FHIP1A: variants seen among roughly 807,000 people sequenced by gnomAD.
The protein encoded by FHIP1A is FHF complex subunit HOOK-interacting protein 1A.
A neutral mutation model predicts 88.6 loss-of-function variants in FHIP1A; 61 were observed. The ratio of observed to expected loss-of-function variants is 0.69; its 90% CI spans 0.56 to 0.85. FHIP1A has a LOEUF of 0.85. FHIP1A is among the 40% of genes least tolerant of loss of function. The pLI is 0.00. For synonymous variants in FHIP1A, 478 were observed against 496.0 expected (o/e 0.96, Z 0.48); for missense variants, 1,154 against 1,273.5 (o/e 0.91, Z 1.43).
intron 2 of FHIP1A, among the ~76,000 whole-genome samples, chr4:151,477,825 C>T (rs1429328312): frequency 6.6e-6 from 1 of 152,064 alleles, no homozygotes; most frequent in Non-Finnish European, 1.5e-5. Context: ...ATTACAAAGT[C>T]TTATAACCTA....
At chr4:151,534,491 G>A (rs1731994405) in intron 3 of FHIP1A, among the ~76,000 whole-genome samples, 1 of 152,164 alleles carries the variant, frequency 6.6e-6, no homozygotes, top group African/African-American at 2.4e-5. Flanking sequence ...AGAGATGTCA[G>A]ATATGAATCC....
Position 151,568,285 on chromosome 4 carries a change from CTT to C in FHIP1A, c.105+1923_105+1924del, listed in dbSNP as rs147623841. On this transcript the variant is annotated intron_variant, in intron 4 of 13. Coordinates refer to ENST00000435205, the MANE Select transcript of FHIP1A (RefSeq NM_001109977.3). ...AGTCTTGAGTTGAAGGTAAGGATAA[CTT>C]TGTCATAGGGGATACTGTTTAGTTG... is the stretch of plus-strand genomic sequence containing the variant. Among the ~76,000 whole-genome samples, 108 of 152,302 alleles carry C rather than the reference CTT, an allele frequency of 7.1e-4. No individual in the cohort carries two copies. The East Asian group carries it at 0.02, about 28-fold the overall frequency.
At chr4:151,459,621 G>A (rs920221815) in intron 2 of FHIP1A, among the ~76,000 whole-genome samples, 8 of 152,286 alleles carry the variant, frequency 5.3e-5, no homozygotes, top group South Asian at 2.1e-4. Flanking sequence ...TTTAGCAAAC[G>A]AGATTATCTT....
At position 151,458,831 on chromosome 4, in the gene FHIP1A, CT is replaced by C. The variant is rs531015761; in HGVS notation, c.-248+4027del. Among the ~76,000 whole-genome samples the C allele has an allele frequency of 2.9e-3, 445 of 152,216 alleles. 1 individual carries two copies. Among genetic ancestry groups the C allele is most frequent in the African/African-American group, 9.2e-3 (384 of 41,532 alleles). On this transcript the variant is annotated intron_variant, in intron 2 of 13. Coordinates refer to ENST00000435205, the MANE Select transcript of FHIP1A (RefSeq NM_001109977.3). Reference sequence around the variant, plus strand: ...CTCCTACTCACACACCACAGAGTCGCTTTTCTTGGGCATAGTGGATCTCTAT... The same window carrying C: ...CTCCTACTCACACACCACAGAGTCGCTTTCTTGGGCATAGTGGATCTCTAT...
At chr4:151,528,507 GGGACCCCAAAGGT>G (rs1210978137) in intron 3 of FHIP1A, among the ~76,000 whole-genome samples, 1 of 152,218 alleles carries the variant, frequency 6.6e-6, no homozygotes, top group Non-Finnish European at 1.5e-5. Context: ...TACATGGAAA[GGGACCCCAAAGGT>G]GCTCCAGAAA....
At chr4:151,548,503 C>T (rs955740385) in intron 3 of FHIP1A, among the ~76,000 whole-genome samples, 11 of 152,104 alleles carry the variant, frequency 7.2e-5, no homozygotes, top group African/African-American at 2.7e-4. Flanking sequence ...GTGAAAAAGC[C>T]AGCTAAAACC....
At chr4:151,409,742 G>C (rs1487478651) in intron 1 of FHIP1A, among the ~76,000 whole-genome samples, 1 of 152,066 alleles carries the variant, frequency 6.6e-6, no homozygotes, top group African/African-American at 2.4e-5. Context: ...CTGGGAGAGA[G>C]AGAGCCAGCT....
chr4:151,628,354 C>A (rs1736029887), intron 7 of FHIP1A, among the ~76,000 whole-genome samples: 1 of 152,106 alleles, frequency 6.6e-6, no homozygotes, highest in Non-Finnish European at 1.5e-5. Flanking sequence ...AAGCTGAGCA[C>A]CAATAACTTT....
intron 13 of FHIP1A, among the ~76,000 whole-genome samples, chr4:151,660,928 T>C (rs1161171967): frequency 6.6e-6 from 1 of 152,152 alleles, no homozygotes; most frequent in African/African-American, 2.4e-5. Context: ...GGTGAGGAAA[T>C]AGAAGTACAG....
chr4:151,619,724 G>A (rs1735665976), intron 7 of FHIP1A, among the ~76,000 whole-genome samples: 1 of 152,194 alleles, frequency 6.6e-6, no homozygotes, highest in Non-Finnish European at 1.5e-5. Context: ...GCCAGGCACT[G>A]TTCTAAGTGT....
chr4:151,565,270 G>A (rs767136118), intron 3 of FHIP1A, among the ~76,000 whole-genome samples: 1 of 152,018 alleles, frequency 6.6e-6, no homozygotes, highest in Non-Finnish European at 1.5e-5. Flanking sequence ...TACTGCTTTC[G>A]TCAGTGCCAC....
intron 3 of FHIP1A, among the ~76,000 whole-genome samples, chr4:151,506,738 G>A (rs1328408660): frequency 1.3e-5 from 2 of 152,072 alleles, no homozygotes; most frequent in South Asian, 2.1e-4. Flanking sequence ...CCACCAGGCC[G>A]CATCTCCAAT....
Position 151,448,963 on chromosome 4 carries a change from G to A in FHIP1A, c.-355-5738G>A, listed in dbSNP as rs2709843. Reference sequence around the variant, plus strand: ...TCCAGTTTCTTGGTTTTTTAGTTAGGTCTTTCTGGTTAGTCTGTCTCATGG... The same window carrying A: ...TCCAGTTTCTTGGTTTTTTAGTTAGATCTTTCTGGTTAGTCTGTCTCATGG... On this transcript the variant is annotated intron_variant, in intron 1 of 13. Transcript: ENST00000435205. Among the ~76,000 whole-genome samples the A allele has an allele frequency of 3.3e-5, 5 of 151,950 alleles. No individual in the cohort carries two copies. The South Asian group carries it at 1.0e-3, about 32-fold the overall frequency.
intron 2 of FHIP1A, among the ~76,000 whole-genome samples, chr4:151,479,995 G>A (rs750384167): frequency 1.3e-5 from 2 of 152,062 alleles, no homozygotes; most frequent in Non-Finnish European, 2.9e-5. Context: ...ATTTGCCTGG[G>A]GAGAGATTTG....
At chr4:151,414,475 T>G (rs1732810462) in intron 1 of FHIP1A, among the ~76,000 whole-genome samples, 1 of 152,242 alleles carries the variant, frequency 6.6e-6, no homozygotes, top group South Asian at 2.1e-4. Flanking sequence ...CTGCAGAATC[T>G]GTACCCTTTT....
In FHIP1A at chr4:151,586,499, C is replaced by G. The variant is rs905203777; in HGVS notation, c.733-142C>G. The G allele has an allele frequency of 2.1e-5, 12 of 581,360 alleles. No homozygotes were observed. The African/African-American group carries it at 2.2e-4, about 11-fold the overall frequency. The allele number at this position is 581,360 out of a possible 1,614,324, so 36.0% of individuals were successfully genotyped here. A position where few individuals can be genotyped will look rare whatever the true frequency, so the allele number is the denominator to read the frequency against. On this transcript the variant is annotated intron_variant, in intron 5 of 13. Transcript: ENST00000435205. ...ACCTGTTTGCATCGTTTTTAGCTGGCTGACGGGCTCTTATACCTTTAATAC... is the reference window on the plus strand; with the variant it reads ...ACCTGTTTGCATCGTTTTTAGCTGGGTGACGGGCTCTTATACCTTTAATAC...
chr4:151,617,383 C>G (rs1735581458), intron 7 of FHIP1A, among the ~76,000 whole-genome samples: 1 of 152,224 alleles, frequency 6.6e-6, no homozygotes, highest in Non-Finnish European at 1.5e-5. Context: ...GTCCCTGTGA[C>G]CTGCAGAAGA....
chr4:151,530,463 T>C (rs996527874), intron 3 of FHIP1A, among the ~76,000 whole-genome samples: 2 of 152,174 alleles, frequency 1.3e-5, no homozygotes, highest in Non-Finnish European at 2.9e-5. Flanking sequence ...CACTCTTTCC[T>C]CATGCTACAG....
intron 3 of FHIP1A, among the ~76,000 whole-genome samples, chr4:151,518,991 A>G (rs970726842): frequency 4.6e-5 from 7 of 152,110 alleles, no homozygotes; most frequent in African/African-American, 1.4e-4. Context: ...ATTTTTTGAT[A>G]CCTTTCAAAG....
Sources: allele counts gnomAD v4.1 joint callset (sites outside exome capture counted in the v4.1 genomes callset), GRCh38; gene constraint gnomAD v4.1.1; transcripts MANE v1.5; gene names NCBI Gene and HGNC (gene_info 2026-07-23, HGNC 2026-07-21).